The following CSMD1 variants were observed in gnomAD, a reference collection of about 807,000 sequenced individuals.
CSMD1 encodes the protein CUB and Sushi multiple domains 1, also known as CUB and sushi domain-containing protein 1.
A neutral mutation model predicts 417.5 loss-of-function variants in CSMD1; 213 were observed. That is an observed-to-expected ratio of 0.51 (90% CI 0.46 to 0.57). The LOEUF (loss-of-function observed/expected upper bound fraction) is 0.57, where lower values mean the gene tolerates loss of function less well. Among genes scored for constraint, CSMD1 ranks in the 20% least tolerant of loss-of-function variants. CSMD1 has a pLI of 0.00. For synonymous variants in CSMD1, 2,862 were observed against 1,736.8 expected, an observed-to-expected ratio of 1.65 and a Z score of -16.11; for missense variants, 6,923 against 4,529.7, an observed-to-expected ratio of 1.53 and a Z score of -15.17.
At chr8:4,190,731 C>G (rs560381543) in intron 3 of CSMD1, among the ~76,000 whole-genome samples, 2 of 152,084 alleles carry the variant, frequency 1.3e-5, no homozygotes, top group Non-Finnish European at 2.9e-5. Context: ...TCTGAAATCA[C>G]ATGAATGGAT....
At chr8:4,423,735 C>CAA (rs144281230) in intron 2 of CSMD1, among the ~76,000 whole-genome samples, 69 of 147,618 alleles carry the variant, frequency 4.7e-4, no homozygotes, top group Middle Eastern at 3.4e-3. Flanking sequence ...GGCAAACAAA[C>CAA]AAAAAAAAAT....
intron 11 of CSMD1, among the ~76,000 whole-genome samples, chr8:3,481,795 TG>T (rs1323919073): frequency 1.3e-5 from 2 of 152,154 alleles, no homozygotes; most frequent in African/African-American, 4.8e-5. Flanking sequence ...AAGAAAGGGA[TG>T]AATTCTTCCC....
chr8:3,218,358 G>T (rs563724575), intron 29 of CSMD1, among the ~76,000 whole-genome samples: 3 of 151,520 alleles, frequency 2.0e-5, no homozygotes, highest in Non-Finnish European at 2.9e-5. Context: ...TCAGGAGATC[G>T]AGATCATCCT....
chr8:3,724,132 T>C lies in CSMD1; in HGVS notation c.932-15641A>G, dbSNP rs2129045429. The stretch of plus-strand genomic sequence containing the variant: ...AAAGCAGATATGAGAAACCAGCCTC[T>C]TTCACCATGCCAGACGTTAAAAAGT... On this transcript the variant is annotated intron_variant, in intron 6 of 69. Transcript: ENST00000635120. Among the ~76,000 whole-genome samples the C allele has an allele frequency of 3.9e-5, 2 of 51,728 alleles. 1 individual carries two copies. Among genetic ancestry groups the C allele is most frequent in the South Asian group, 1.1e-3 (2 of 1,766 alleles). 33.9% of individuals were successfully genotyped at this position (51,728 alleles called of 152,430 possible). A position where few individuals can be genotyped will look rare whatever the true frequency, so the allele number is the denominator to read the frequency against.
intron 57 of CSMD1, among the ~76,000 whole-genome samples, chr8:2,968,817 C>T (rs1253034856): frequency 6.6e-6 from 1 of 152,094 alleles, no homozygotes; most frequent in East Asian, 1.9e-4. Flanking sequence ...TAAGTTTAAA[C>T]TTTGCCATAT....
rs55993904 is a variant in CSMD1 at position 4,138,044 on chromosome 8, A to ATTTTTTTTTT, written c.416-105955_416-105946dup. 2.1e-4 allele frequency among the ~76,000 whole-genome samples: 13 copies of ATTTTTTTTTT among 62,704 alleles called. 1 individual carries two copies. Among genetic ancestry groups the ATTTTTTTTTT allele is most frequent in the African/African-American group, 5.7e-4 (9 of 15,874 alleles). The allele number at this position is 62,704 out of a possible 152,430, so 41.1% of individuals were successfully genotyped here. A position where few individuals can be genotyped will look rare whatever the true frequency, so the allele number is the denominator to read the frequency against. Reference sequence around the variant, plus strand: ...AGGCGCCCGCCACCATGCCCGGCTAATTTTTTTTTTTTTTTTTTTTTTTTT... The same window carrying ATTTTTTTTTT: ...AGGCGCCCGCCACCATGCCCGGCTAATTTTTTTTTTTTTTTTTTTTTTTTTTTTTTTTTTT... On this transcript the variant is annotated intron_variant, in intron 3 of 69. Transcript: ENST00000635120.
chr8:4,569,983 G>A (rs558983232), intron 2 of CSMD1, among the ~76,000 whole-genome samples: 18 of 152,264 alleles, frequency 1.2e-4, no homozygotes, highest in Admixed American at 5.9e-4. Flanking sequence ...TTTGCACATT[G>A]ATTTTGTATC....
chr8:4,352,722 C>T (rs1455134453), intron 3 of CSMD1, among the ~76,000 whole-genome samples: 2 of 152,122 alleles, frequency 1.3e-5, no homozygotes, highest in African/African-American at 2.4e-5. Flanking sequence ...AAATAAGAAC[C>T]CTCTGTTCTG....
At chr8:4,139,995 G>C (rs752193693) in intron 3 of CSMD1, among the ~76,000 whole-genome samples, 9 of 150,894 alleles carry the variant, frequency 6.0e-5, no homozygotes, top group Non-Finnish European at 1.2e-4. Flanking sequence ...TTGCAGGTAG[G>C]AGGTAAATAG....
Position 4,329,321 on chromosome 8 carries a change from C to A in CSMD1, c.415+90632G>T, listed in dbSNP as rs536947221. Among the ~76,000 whole-genome samples the A allele has an allele frequency of 5.3e-5, 8 of 152,292 alleles. No individual in the cohort carries two copies. In the East Asian group the frequency reaches 1.5e-3, roughly 29 times the overall value. On this transcript the variant is annotated intron_variant, in intron 3 of 69. Coordinates refer to ENST00000635120, the MANE Select transcript of CSMD1 (RefSeq NM_033225.6). ...ATTTATTTTTTGAGATGGAGTCTTG[C>A]TATCTCACCCAGGCTGGAGTGCAGT... is the stretch of plus-strand genomic sequence containing the variant.
chr8:3,615,259 T>C (rs1332778497), intron 8 of CSMD1, among the ~76,000 whole-genome samples: 1 of 152,050 alleles, frequency 6.6e-6, no homozygotes, highest in Non-Finnish European at 1.5e-5. Flanking sequence ...GTACAAAAGG[T>C]GAGGCCTGCT....
intron 5 of CSMD1, among the ~76,000 whole-genome samples, chr8:3,881,628 A>C (rs569722786): frequency 7.3e-6 from 1 of 137,552 alleles, no homozygotes; most frequent in South Asian, 2.2e-4. Flanking sequence ...AAAAACAAAA[A>C]CAAAAACAAA....
At chr8:3,769,048 T>C (rs1401488352) in intron 5 of CSMD1, among the ~76,000 whole-genome samples, 3 of 152,314 alleles carry the variant, frequency 2.0e-5, no homozygotes, top group African/African-American at 7.2e-5. Flanking sequence ...GGCAGGTGTG[T>C]TTGGTTAGAA....
chr8:3,326,901 A>C (rs977210114), intron 23 of CSMD1, among the ~76,000 whole-genome samples: 1 of 152,154 alleles, frequency 6.6e-6, no homozygotes, highest in African/African-American at 2.4e-5. Context: ...CATTGATAGG[A>C]AAGTTTTGCT....
At position 4,284,427 on chromosome 8, in the gene CSMD1, G is replaced by A. The variant is rs368389466; in HGVS notation, c.415+135526C>T. On this transcript the variant is annotated intron_variant, in intron 3 of 69. Coordinates refer to ENST00000635120, the MANE Select transcript of CSMD1 (RefSeq NM_033225.6). ...GTTCTTCAGGAGAGACAAACACTGC[G>A]GGAGGGTACCTCCACTCCGTGTTCC... Among the ~76,000 whole-genome samples, 31 of 125,970 alleles carry A rather than the reference G, an allele frequency of 2.5e-4. No individual in the cohort carries two copies. In the East Asian group the frequency reaches 5.4e-3, roughly 22 times the overall value. The allele number at this position is 125,970 out of a possible 152,430, so 82.6% of individuals were successfully genotyped here.
intron 6 of CSMD1, 107 bp from the exon 7 acceptor site, chr8:3,708,598 A>C (rs993718454): frequency 1.2e-6 from 1 of 843,518 alleles, no homozygotes; most frequent in Non-Finnish European, 2.0e-6. Flanking sequence ...TCAACCCCCG[A>C]AAATGGGAAA....
At chr8:3,973,889 G>C (rs955197087) in intron 5 of CSMD1, among the ~76,000 whole-genome samples, 62 of 152,106 alleles carry the variant, frequency 4.1e-4, no homozygotes, top group Non-Finnish European at 4.4e-5. Context: ...TGAATATATT[G>C]ATGGGTTACA....
intron 5 of CSMD1, among the ~76,000 whole-genome samples, chr8:3,927,004 G>A (rs1050878277): frequency 4.0e-5 from 6 of 151,852 alleles, no homozygotes; most frequent in Non-Finnish European, 5.9e-5. Flanking sequence ...GTGAGCCACC[G>A]TGCCCGGCCA....
intron 7 of CSMD1, among the ~76,000 whole-genome samples, chr8:3,638,023 T>G (rs1223583589): frequency 6.6e-6 from 1 of 152,140 alleles, no homozygotes. Flanking sequence ...TATTTTTCAT[T>G]ATAAATTACG....
Sources: gnomAD v4.1 joint callset for allele counts (sites outside exome capture counted in the v4.1 genomes callset) on GRCh38, gnomAD v4.1.1 for gene constraint, MANE v1.5 for transcripts, NCBI Gene and HGNC (gene_info 2026-07-23, HGNC 2026-07-21) for gene names.